The following OR51M1 variants were observed in gnomAD, a reference collection of about 807,000 sequenced individuals.
OR51M1 encodes olfactory receptor family 51 subfamily M member 1, also known as olfactory receptor 51M1.
For missense variants in OR51M1, 509 were observed against 404.4 expected (o/e 1.26, Z -2.22); for synonymous variants, 199 against 155.1 (o/e 1.28, Z -2.10).
In OR51M1 at chr11:5,383,849, C is replaced by T. The variant is rs1009354291; in HGVS notation, c.-190C>T. 3 of 152,180 alleles carry T rather than the reference C, an allele frequency of 2.0e-5. No individual in the cohort carries two copies. The highest frequency in any genetic ancestry group is 7.2e-5 in the African/African-American group (3 of 41,446). 9.4% of individuals were successfully genotyped at this position (152,180 alleles called of 1,614,324 possible). A position where few individuals can be genotyped will look rare whatever the true frequency, so the allele number is the denominator to read the frequency against. On this transcript the variant is annotated 5_prime_UTR_variant, in exon 1 of 3. Coordinates refer to ENST00000642046, the MANE Select transcript of OR51M1 (RefSeq NM_001004756.3). ...GCCTCTCAGTGACCCTTGTGTCATC[C>T]TTATCTATACTCTTCTTTCTTCCTT...
chr11:5,390,363 A>G lies in OR51M1; in HGVS notation c.965A>G (p.Lys322Arg), dbSNP rs769258777. ...HRAIIKFLGL[K>R]KASK Reference sequence around the variant, plus strand: ...GCCATTATCAAGTTCCTAGGTCTTAAAAAGGCCAGTAAATGAGTCCTGGGG... The same window carrying G: ...GCCATTATCAAGTTCCTAGGTCTTAGAAAGGCCAGTAAATGAGTCCTGGGG... Residue 322 changes from lysine (K) to arginine (R), a missense_variant, in exon 3 of 3, where the codon AAA becomes AGA. Physicochemically the swap from Lys to Arg is conservative, Grantham distance 26. Transcript: ENST00000642046. 1.0e-5 allele frequency: 16 copies of G among 1,600,814 alleles called. No individual in the cohort carries two copies. In the South Asian group the frequency reaches 1.5e-4, roughly 15 times the overall value.
chr11:5,387,019 G>A (rs1849704943), intron 2 of OR51M1, among the ~76,000 whole-genome samples: 1 of 152,112 alleles, frequency 6.6e-6, no homozygotes, highest in Admixed American at 6.6e-5. Context: ...GGCCTGATAT[G>A]TAACGGAGTT....
chr11:5,389,751 CTT>C lies in OR51M1; in HGVS notation c.357_358del (p.Ser120LeufsTer13). On this transcript the variant is annotated frameshift_variant, in exon 3 of 3. Coordinates refer to ENST00000642046, the MANE Select transcript of OR51M1 (RefSeq NM_001004756.3). LOFTEE classifies it low-confidence loss of function (END_TRUNC). ...CAAATCCAGATGTTCTGCATCCACT[CTT>C]TTTCCTTCATGGAGTCCTCAGTGCT... The C allele has an allele frequency of 6.2e-7, 1 of 1,613,996 alleles. No homozygotes were observed. The highest frequency in any genetic ancestry group is 8.5e-7 in the Non-Finnish European group (1 of 1,179,896).
Position 5,392,917 on chromosome 11 carries a change from CAAAAAAA to C in OR51M1, c.*2541_*2547del, listed in dbSNP as rs61397947. ...ACAGAGCAAGACTCCTTCTCAAAAA[CAAAAAAA>C]AAGAAAAATAAATAAATATCTGTGC... On this transcript the variant is annotated 3_prime_UTR_variant, in exon 3 of 3. Transcript: ENST00000642046. The C allele has an allele frequency of 1.3e-5, 2 of 151,236 alleles. No individual in the cohort carries two copies. The highest frequency in any genetic ancestry group is 2.4e-5 in the African/African-American group (1 of 41,098). 9.4% of individuals were successfully genotyped at this position (151,236 alleles called of 1,614,324 possible).
In OR51M1 at chr11:5,390,668, AC is replaced by A. The variant is rs1849782055; in HGVS notation, c.*290del. 6.0e-6 allele frequency: 2 copies of A among 331,546 alleles called. No homozygotes were observed. Among genetic ancestry groups the A allele is most frequent in the East Asian group, 9.8e-5 (2 of 20,386 alleles). 20.5% of individuals were successfully genotyped at this position (331,546 alleles called of 1,614,324 possible). A position where few individuals can be genotyped will look rare whatever the true frequency, so the allele number is the denominator to read the frequency against. Reference sequence around the variant, plus strand: ...TCAATGTAACTAAAACTAAAATGAAACTAAATAAAAACTAAAAAGAACAATA... The same window carrying A: ...TCAATGTAACTAAAACTAAAATGAAATAAATAAAAACTAAAAAGAACAATA... On this transcript the variant is annotated 3_prime_UTR_variant, in exon 3 of 3. Coordinates refer to ENST00000642046, the MANE Select transcript of OR51M1 (RefSeq NM_001004756.3).
At chr11:5,386,782 T>C (rs996230137) in intron 2 of OR51M1, among the ~76,000 whole-genome samples, 1 of 151,742 alleles carries the variant, frequency 6.6e-6, no homozygotes, top group African/African-American at 2.4e-5. Context: ...CAGGGATAGA[T>C]TAAAAGAACT....
chr11:5,385,927 G>A (rs573219933), intron 2 of OR51M1, among the ~76,000 whole-genome samples: 1 of 144,100 alleles, frequency 6.9e-6, no homozygotes, highest in Non-Finnish European at 1.5e-5. Flanking sequence ...GTACTTATAT[G>A]GATGTATAAG....
intron 1 of OR51M1, 108 bp from the exon 2 acceptor site, chr11:5,385,245 A>C (rs2133722898): frequency 6.6e-6 from 1 of 152,334 alleles, no homozygotes; most frequent in East Asian, 1.9e-4. Context: ...CTCTCCTATC[A>C]TGGATAATTA....
chr11:5,389,642 G>A lies in OR51M1; in HGVS notation c.244G>A (p.Asp82Asn). The change falls in exon 3 of 3, where the codon GAC (aspartate) becomes AAC (asparagine). Residue 82 changes from aspartate (D) to asparagine (N), a missense_variant. By Grantham distance (23) the Asp-to-Asn change is conservative. Transcript: ENST00000642046. Reference protein sequence around the residue: ...YYLLSLLALTDLGLCVSTLPT... With the variant: ...YYLLSLLALTNLGLCVSTLPT... Reference sequence around the variant, plus strand: ...TCTACTATCCTTGCTGGCCCTCACTGACCTGGGGCTGTGTGTGTCCACGTT... The same window carrying A: ...TCTACTATCCTTGCTGGCCCTCACTAACCTGGGGCTGTGTGTGTCCACGTT... 2 of 1,613,556 alleles carry A rather than the reference G, an allele frequency of 1.2e-6. No homozygotes were observed. Among genetic ancestry groups the A allele is most frequent in the East Asian group, 4.5e-5 (2 of 44,886 alleles).
chr11:5,390,224 T>C lies in OR51M1; in HGVS notation c.826T>C (p.Phe276Leu). ...GATGGGGCTGTCCCTGGTGCACCGT[T>C]TTGGGAAGCATGCCCCACCTGCTAT... ...PMMGLSLVHR[F>L]GKHAPPAIHL... Residue 276 changes from phenylalanine to leucine, a missense_variant, in exon 3 of 3, where the codon TTT becomes CTT. Transcript: ENST00000642046. The C allele has an allele frequency of 6.2e-7, 1 of 1,614,016 alleles. No individual in the cohort carries two copies. The highest frequency in any genetic ancestry group is 1.3e-5 in the African/African-American group (1 of 75,054).
intron 2 of OR51M1, among the ~76,000 whole-genome samples, chr11:5,387,928 G>GTTCTGT (rs2133726064): frequency 6.6e-6 from 1 of 152,116 alleles, no homozygotes; most frequent in South Asian, 2.1e-4. Context: ...TTTTGTCTCT[G>GTTCTGT]TTCTGTTTCT....
In OR51M1 at chr11:5,390,611, T is replaced by C. The variant is rs1849781393; in HGVS notation, c.*232T>C. 1 of 466,602 alleles carries C rather than the reference T, an allele frequency of 2.1e-6. No homozygotes were observed. The highest frequency in any genetic ancestry group is 3.8e-6 in the Non-Finnish European group (1 of 265,978). The allele number at this position is 466,602 out of a possible 1,614,324, so 28.9% of individuals were successfully genotyped here. ...CTGGCATTTTTGGTAGCATCAAAGC[T>C]ATCCAGAAGGCAACTTTATTGAAGG... On this transcript the variant is annotated 3_prime_UTR_variant, in exon 3 of 3. Coordinates refer to ENST00000642046, the MANE Select transcript of OR51M1 (RefSeq NM_001004756.3).
At chr11:5,384,767 T>C (rs867756689) in intron 1 of OR51M1, among the ~76,000 whole-genome samples, 35 of 152,350 alleles carry the variant, frequency 2.3e-4, no homozygotes, top group Middle Eastern at 3.4e-3. Flanking sequence ...CTCAATCTGC[T>C]TATTTTAATC....
At chr11:5,388,641 G>A (rs775406228) in intron 2 of OR51M1, among the ~76,000 whole-genome samples, 15 of 150,474 alleles carry the variant, frequency 1.0e-4, no homozygotes, top group South Asian at 2.1e-4. Flanking sequence ...GGATATACAC[G>A]GAGAGAAAAT....
chr11:5,389,332 A>G (rs1308619659), intron 2 of OR51M1, 52 bp from the exon 3 acceptor site: 2 of 1,458,056 alleles, frequency 1.4e-6, no homozygotes, highest in East Asian at 2.3e-5. Flanking sequence ...TGATGTTGTG[A>G]ATGTTAGTGA....
rs1849782110 is a variant in OR51M1 at position 5,390,672 on chromosome 11, A to C, written c.*293A>C. The C allele has an allele frequency of 3.2e-6, 1 of 317,146 alleles. No individual in the cohort carries two copies. The highest frequency in any genetic ancestry group is 5.8e-6 in the Non-Finnish European group (1 of 172,962). The allele number at this position is 317,146 out of a possible 1,614,324, so 19.6% of individuals were successfully genotyped here. A position where few individuals can be genotyped will look rare whatever the true frequency, so the allele number is the denominator to read the frequency against. ...TGTAACTAAAACTAAAATGAAACTA[A>C]ATAAAAACTAAAAAGAACAATAAAT... On this transcript the variant is annotated 3_prime_UTR_variant, in exon 3 of 3. Transcript: ENST00000642046.
At position 5,389,897 on chromosome 11, in the gene OR51M1, G is replaced by A; in HGVS notation, c.499G>A (p.Ala167Thr). The A allele has an allele frequency of 6.2e-7, 1 of 1,612,378 alleles. No homozygotes were observed. Among genetic ancestry groups the A allele is most frequent in the Non-Finnish European group, 8.5e-7 (1 of 1,179,880 alleles). ...AATTGTCATCTTCCGGGGACCTGTG[G>A]CCACTATCCCTATTGTCCTCCTCCT... is the stretch of plus-strand genomic sequence containing the variant. ...GLIVIFRGPV[A>T]TIPIVLLLKA... Residue 167 changes from alanine to threonine, a missense_variant, in exon 3 of 3, where the codon GCC (alanine) becomes ACC (threonine). Coordinates refer to ENST00000642046, the MANE Select transcript of OR51M1 (RefSeq NM_001004756.3).
chr11:5,384,823 G>A (rs868419398), intron 1 of OR51M1, among the ~76,000 whole-genome samples: 3 of 152,216 alleles, frequency 2.0e-5, no homozygotes, highest in South Asian at 2.1e-4. Context: ...TATGGCCTTC[G>A]CCTTCCAAAA....
rs1849786224 is a variant in OR51M1, at chr11:5,390,977, C to G, written c.*598C>G. 6.6e-6 allele frequency: 1 copy of G among 152,392 alleles called. No individual in the cohort carries two copies. Among genetic ancestry groups the G allele is most frequent in the Admixed American group, 6.5e-5 (1 of 15,292 alleles). 9.4% of individuals were successfully genotyped at this position (152,392 alleles called of 1,614,324 possible). ...TGTGCTCTCTCCTGACCATATTCCT[C>G]TAGAAGAAGAGACTTTGATCCTATC... On this transcript the variant is annotated 3_prime_UTR_variant, in exon 3 of 3. Coordinates refer to ENST00000642046, the MANE Select transcript of OR51M1 (RefSeq NM_001004756.3).
Sources: allele counts gnomAD v4.1 joint callset (sites outside exome capture counted in the v4.1 genomes callset), GRCh38; gene constraint gnomAD v4.1.1; transcripts MANE v1.5; gene names NCBI Gene and HGNC (gene_info 2026-07-23, HGNC 2026-07-21).